IDO2: variants seen among roughly 807,000 people sequenced by gnomAD.
IDO2 encodes indoleamine 2,3-dioxygenase-like 1 protein.
Under a neutral mutation model 45.1 loss-of-function variants are expected in IDO2, and 46 were observed. The observed-to-expected ratio is 1.02, with a 90% confidence interval of 0.80 to 1.30. The LOEUF is 1.30. IDO2 is among the 50% of genes most tolerant of loss of function. The pLI, the probability that IDO2 is intolerant of heterozygous loss-of-function variation, is 0.00. For missense variants in IDO2, 544 were observed against 491.8 expected (o/e 1.11, Z -1.00); for synonymous variants, 218 against 184.9 (o/e 1.18, Z -1.45).
chr8:39,973,262 A>G (rs1035315882), intron 3 of IDO2, among the ~76,000 whole-genome samples: 1 of 152,164 alleles, frequency 6.6e-6, no homozygotes, highest in Non-Finnish European at 1.5e-5. Flanking sequence ...AATGTATAAT[A>G]CTACTTACAT....
chr8:39,974,091 A>G (rs764237961), intron 3 of IDO2, among the ~76,000 whole-genome samples: 1 of 152,190 alleles, frequency 6.6e-6, no homozygotes, highest in Non-Finnish European at 1.5e-5. Context: ...CAAATGAACC[A>G]GAAAAATAAT....
At chr8:40,002,165 A>G (rs1410998988) in intron 8 of IDO2, among the ~76,000 whole-genome samples, 1 of 152,174 alleles carries the variant, frequency 6.6e-6, no homozygotes, top group Non-Finnish European at 1.5e-5. Context: ...TATAATTACT[A>G]CTTGCTACTT....
At chr8:39,940,929 G>GAAAA (rs35440780) in intron 1 of IDO2, among the ~76,000 whole-genome samples, 12,823 of 138,292 alleles carry the variant, frequency 0.093, 671 homozygotes, top group Middle Eastern at 0.16. Context: ...AAATAAAATT[G>GAAAA]AAAAAAAAAA....
intron 3 of IDO2, among the ~76,000 whole-genome samples, chr8:39,970,444 T>G (rs911385116): frequency 6.6e-6 from 1 of 152,212 alleles, no homozygotes; most frequent in Admixed American, 6.5e-5. Flanking sequence ...CAGGCTGGAG[T>G]GTGGTGGCAT....
chr8:39,975,576 T>C (rs983904433), intron 3 of IDO2, among the ~76,000 whole-genome samples: 1 of 152,086 alleles, frequency 6.6e-6, no homozygotes, highest in Non-Finnish European at 1.5e-5. Flanking sequence ...AAAACCATAA[T>C]GGGATAGCAT....
intron 8 of IDO2, among the ~76,000 whole-genome samples, chr8:40,003,263 A>C (rs1346548121): frequency 6.6e-6 from 1 of 151,434 alleles, no homozygotes; most frequent in East Asian, 2.0e-4. Flanking sequence ...CCAGCTACTC[A>C]GGATGCTGAA....
At chr8:39,941,604 C>T (rs1197294732) in intron 1 of IDO2, among the ~76,000 whole-genome samples, 5 of 151,750 alleles carry the variant, frequency 3.3e-5, no homozygotes, top group African/African-American at 9.7e-5. Context: ...AAGTCAAGAT[C>T]GAGTATGCAG....
chr8:39,986,346 C>T (rs1314047934), intron 6 of IDO2: 1 of 152,162 alleles, frequency 6.6e-6, no homozygotes, highest in Non-Finnish European at 1.5e-5. Context: ...ATCACCAAAC[C>T]TCAGCTTCTA....
chr8:40,015,381 C>T lies in IDO2; in HGVS notation c.1003C>T (p.Gln335Ter), dbSNP rs369897046. The change falls in exon 11 of 11, where the codon CAG becomes TAG. Residue 335 changes from glutamine (Q) to a stop codon, truncating the protein, a stop_gained. Coordinates refer to ENST00000502986, the Ensembl canonical transcript of IDO2. LOFTEE classifies it high-confidence loss of function. Reference sequence around the variant, plus strand: ...GGACCACTTGCTGACAGCTTATAACCAGTGTGTGCAGGCCCTGGCAGAGCT... The same window carrying T: ...GGACCACTTGCTGACAGCTTATAACTAGTGTGTGCAGGCCCTGGCAGAGCT... 5.3e-5 allele frequency: 86 copies of T among 1,613,916 alleles called. No homozygotes were observed. The African/African-American group carries it at 1.1e-3, about 20-fold the overall frequency.
intron 8 of IDO2, among the ~76,000 whole-genome samples, chr8:40,003,047 C>G (rs974785815): frequency 2.0e-5 from 3 of 152,162 alleles, no homozygotes; most frequent in African/African-American, 7.2e-5. Flanking sequence ...GAGAACTCTT[C>G]TCTTCAATAC....
intron 8 of IDO2, among the ~76,000 whole-genome samples, chr8:39,999,363 T>G (rs1254030135): frequency 2.1e-5 from 3 of 142,566 alleles, no homozygotes; most frequent in Non-Finnish European, 4.5e-5. Flanking sequence ...CAATGCAACC[T>G]CTGCCTCTCG....
intron 7 of IDO2, 38 bp downstream of exon 7, chr8:39,988,008 G>C: frequency 8.1e-7 from 1 of 1,233,440 alleles, no homozygotes; most frequent in Non-Finnish European, 1.2e-6. Context: ...CTTTTTAAAT[G>C]AGCTTGAGCT....
chr8:39,982,586 C>T (rs150937927), intron 4 of IDO2, 66 bp from the exon 5 acceptor site: 11,732 of 1,095,360 alleles, frequency 0.011, 81 homozygotes, highest in Middle Eastern at 0.023. Flanking sequence ...TAAAAGACAA[C>T]CATGGTTATT....
chr8:39,939,007 A>G (rs148611546), intron 1 of IDO2, among the ~76,000 whole-genome samples: 3,739 of 152,228 alleles, frequency 0.025, 153 homozygotes, highest in African/African-American at 0.084. Context: ...TAATCCCAGC[A>G]CTTTGGGAGG....
intron 4 of IDO2, among the ~76,000 whole-genome samples, chr8:39,980,100 C>A (rs374341231): frequency 6.6e-6 from 1 of 152,192 alleles, no homozygotes; most frequent in African/African-American, 2.4e-5. Flanking sequence ...GGATTACAGG[C>A]GTGAGCCACC....
chr8:39,982,814 C>T, intron 5 of IDO2, 44 bp downstream of exon 5: 1 of 1,227,070 alleles, frequency 8.1e-7, no homozygotes, highest in Non-Finnish European at 1.1e-6. Context: ...AACTTTCCCC[C>T]AGGAAACACC....
intron 1 of IDO2, among the ~76,000 whole-genome samples, chr8:39,939,638 T>A: frequency 6.8e-6 from 1 of 147,542 alleles, no homozygotes; most frequent in Admixed American, 6.8e-5. Flanking sequence ...TATTTGTTAT[T>A]AAGTACAGTA....
chr8:40,010,987 C>T (rs1037871317), intron 9 of IDO2, among the ~76,000 whole-genome samples: 7 of 152,226 alleles, frequency 4.6e-5, no homozygotes, highest in Non-Finnish European at 1.0e-4. Flanking sequence ...TCTCAGCTCA[C>T]TGCAACCTCT....
At chr8:39,983,867 A>AC (rs1357033263) in intron 5 of IDO2, among the ~76,000 whole-genome samples, 3 of 150,142 alleles carry the variant, frequency 2.0e-5, no homozygotes, top group Non-Finnish European at 3.0e-5. Context: ...TCAAAAGAAA[A>AC]AAAAATTATG....
Sources: allele counts gnomAD v4.1 joint callset (sites outside exome capture counted in the v4.1 genomes callset), GRCh38; gene constraint gnomAD v4.1.1; transcripts MANE v1.5; gene names NCBI Gene and HGNC (gene_info 2026-07-23, HGNC 2026-07-21).